Variants in KIAA0825 observed in about 807,000 individuals in gnomAD.
KIAA0825 encodes uncharacterized protein KIAA0825.
Under a neutral mutation model 147.6 loss-of-function variants are expected in KIAA0825, and 119 were observed. The observed-to-expected ratio is 0.81, with a 90% confidence interval of 0.69 to 0.94. The LOEUF (loss-of-function observed/expected upper bound fraction) is 0.94. Ranked by LOEUF, KIAA0825 falls within the 40% of genes least tolerant of loss-of-function variation. The pLI is 0.00. For synonymous variants in KIAA0825, 470 were observed against 518.1 expected, an observed-to-expected ratio of 0.91 and a Z score of 1.26; for missense variants, 1,381 against 1,472.7, an observed-to-expected ratio of 0.94 and a Z score of 1.02.
At chr5:94,605,970 ACTAT>A (rs1414040842) in intron 1 of KIAA0825, among the ~76,000 whole-genome samples, 1 of 152,344 alleles carries the variant, frequency 6.6e-6, no homozygotes, top group East Asian at 1.9e-4. Context: ...AGGAAGTCAA[ACTAT>A]CTGTTTGCGG....
Position 94,551,544 on chromosome 5 carries a change from G to A in KIAA0825, c.-1-14417C>T, listed in dbSNP as rs778635360. Among the ~76,000 whole-genome samples the A allele has an allele frequency of 5.2e-4, 79 of 152,076 alleles. 1 individual carries two copies. The highest frequency in any genetic ancestry group is 5.7e-4 in the Non-Finnish European group (39 of 68,028). On this transcript the variant is annotated intron_variant, in intron 2 of 20. Transcript: ENST00000682413. ...TCTCAGCAGAAATCTTACAAGCCTG[G>A]AGAGAATGGGATAATATATTAAAAA... is the stretch of plus-strand genomic sequence containing the variant.
At chr5:94,475,340 T>C (rs1761747469) in intron 7 of KIAA0825, among the ~76,000 whole-genome samples, 1 of 152,224 alleles carries the variant, frequency 6.6e-6, no homozygotes, top group Non-Finnish European at 1.5e-5. Flanking sequence ...CAAGCAAATA[T>C]GTCCTAGTGG....
intron 20 of KIAA0825, among the ~76,000 whole-genome samples, chr5:94,295,490 G>A (rs995607656): frequency 5.9e-5 from 9 of 152,018 alleles, no homozygotes; most frequent in African/African-American, 1.7e-4. Flanking sequence ...ATCCTTTGAA[G>A]GAGAAGACGC....
chr5:94,326,558 A>G (rs192623738), intron 20 of KIAA0825, among the ~76,000 whole-genome samples: 3 of 152,312 alleles, frequency 2.0e-5, no homozygotes, highest in East Asian at 1.9e-4. Flanking sequence ...AGTAACATCA[A>G]TGTCAGATAT....
intron 20 of KIAA0825, among the ~76,000 whole-genome samples, chr5:94,366,440 C>G (rs1203864212): frequency 1.3e-5 from 2 of 152,108 alleles, no homozygotes; most frequent in African/African-American, 2.4e-5. Flanking sequence ...CTCCTTGGTC[C>G]TCCTCACCCA....
chr5:94,254,450 G>GA (rs1342877738), intron 20 of KIAA0825, among the ~76,000 whole-genome samples: 1 of 152,106 alleles, frequency 6.6e-6, no homozygotes, highest in African/African-American at 2.4e-5. Flanking sequence ...AACCAAATGA[G>GA]AGAGCATGGA....
chr5:94,411,510 A>G (rs1562470967), intron 15 of KIAA0825, among the ~76,000 whole-genome samples: 1 of 152,232 alleles, frequency 6.6e-6, no homozygotes, highest in Non-Finnish European at 1.5e-5. Context: ...GAACCTCAAC[A>G]TTTATCTCAC....
chr5:94,373,204 T>C (rs1363198973), intron 20 of KIAA0825, among the ~76,000 whole-genome samples: 2 of 151,770 alleles, frequency 1.3e-5, no homozygotes, highest in East Asian at 1.9e-4. Context: ...CATTTTCCTA[T>C]CTTCTTCTGA....
intron 12 of KIAA0825, among the ~76,000 whole-genome samples, chr5:94,454,334 C>G (rs1758810002): frequency 6.6e-6 from 1 of 152,130 alleles, no homozygotes; most frequent in Non-Finnish European, 1.5e-5. Context: ...TGAAAATCCA[C>G]CTTTATCTTT....
intron 2 of KIAA0825, among the ~76,000 whole-genome samples, chr5:94,564,833 G>C (rs192899522): frequency 6.6e-6 from 1 of 151,746 alleles, no homozygotes; most frequent in East Asian, 1.9e-4. Flanking sequence ...CCCTGTGCAG[G>C]GTTCAAACCC....
intron 20 of KIAA0825, among the ~76,000 whole-genome samples, chr5:94,284,311 G>A (rs1230136800): frequency 6.6e-6 from 1 of 152,010 alleles, no homozygotes; most frequent in African/African-American, 2.4e-5. Context: ...TGAAGTGGGT[G>A]GTATTCTTGA....
intron 20 of KIAA0825, among the ~76,000 whole-genome samples, chr5:94,330,607 G>A (rs1781167295): frequency 1.3e-5 from 2 of 151,854 alleles, no homozygotes; most frequent in Admixed American, 1.3e-4. Flanking sequence ...AAGTTGAAAA[G>A]AGAAAAGATC....
intron 20 of KIAA0825, among the ~76,000 whole-genome samples, chr5:94,356,639 A>T (rs1784294044): frequency 6.6e-6 from 1 of 151,148 alleles, no homozygotes; most frequent in Admixed American, 6.6e-5. Context: ...AAAAAAACAC[A>T]TGAACTACAT....
At chr5:94,317,080 G>A (rs1457331416) in intron 20 of KIAA0825, among the ~76,000 whole-genome samples, 1 of 151,762 alleles carries the variant, frequency 6.6e-6, no homozygotes, top group African/African-American at 2.4e-5. Flanking sequence ...GAACACTCAC[G>A]TTTCACTTCT....
intron 2 of KIAA0825, among the ~76,000 whole-genome samples, chr5:94,543,841 C>T (rs1195854880): frequency 6.6e-6 from 1 of 152,170 alleles, no homozygotes; most frequent in Non-Finnish European, 1.5e-5. Context: ...TGCTACACTC[C>T]CATCAGCACC....
chr5:94,173,865 C>T lies in KIAA0825; in HGVS notation c.3711-19741G>A, dbSNP rs142313145. On this transcript the variant is annotated intron_variant, in intron 20 of 20. Transcript: ENST00000682413. Reference sequence around the variant, plus strand: ...GAACAGGGAAAGCAACATAGAGCTTCCTGGACATGCTTACATACACACCTC... The same window carrying T: ...GAACAGGGAAAGCAACATAGAGCTTTCTGGACATGCTTACATACACACCTC... Among the ~76,000 whole-genome samples the T allele has an allele frequency of 1.9e-3, 283 of 152,262 alleles. 2 individuals carry two copies. The highest frequency in any genetic ancestry group is 4.5e-3 in the Admixed American group (69 of 15,284).
At chr5:94,371,654 G>A (rs962752300) in intron 20 of KIAA0825, among the ~76,000 whole-genome samples, 28 of 152,108 alleles carry the variant, frequency 1.8e-4, no homozygotes, top group African/African-American at 6.3e-4. Context: ...ACCTCCTACC[G>A]AGTCCCTCCC....
rs146377291 is a variant in KIAA0825 at position 94,272,251 on chromosome 5, T to C, written c.3710+112117A>G. On this transcript the variant is annotated intron_variant, in intron 20 of 20. Transcript: ENST00000682413. Reference sequence around the variant, plus strand: ...TAATGGGCACAAAAATATAGTTAGATAGAATGAAAAATATCTAGTATTTGA... The same window carrying C: ...TAATGGGCACAAAAATATAGTTAGACAGAATGAAAAATATCTAGTATTTGA... Among the ~76,000 whole-genome samples the C allele has an allele frequency of 4.0e-3, 609 of 151,676 alleles. 6 individuals carry two copies. Among genetic ancestry groups the C allele is most frequent in the African/African-American group, 0.014 (574 of 41,332 alleles).
At chr5:94,291,611 A>G (rs566289217) in intron 20 of KIAA0825, among the ~76,000 whole-genome samples, 13 of 152,230 alleles carry the variant, frequency 8.5e-5, no homozygotes, top group South Asian at 4.1e-4. Flanking sequence ...TTTTGATTCC[A>G]TATGAAATTT....
Sources: gnomAD v4.1 joint callset for allele counts (sites outside exome capture counted in the v4.1 genomes callset) on GRCh38, gnomAD v4.1.1 for gene constraint, MANE v1.5 for transcripts, NCBI Gene and HGNC (gene_info 2026-07-23, HGNC 2026-07-21) for gene names.